FAM168A: variants seen among roughly 807,000 people sequenced by gnomAD.
FAM168A encodes family with sequence similarity 168 member A, also known as protein FAM168A.
FAM168A carries 3 observed loss-of-function variants against 28.5 expected under a neutral mutation model. The observed-to-expected ratio is 0.11, with a 90% CI of 0.05 to 0.27. The LOEUF (loss-of-function observed/expected upper bound fraction) is 0.27. Among genes scored for constraint, FAM168A ranks in the 10% least tolerant of loss-of-function variants. The pLI is 1.00. For synonymous variants in FAM168A, 122 were observed against 124.2 expected (o/e 0.98, Z 0.12); for missense variants, 222 against 311.5 (o/e 0.71, Z 2.16).
intron 1 of FAM168A, among the ~76,000 whole-genome samples, chr11:73,541,007 C>T (rs1943650174): frequency 6.6e-6 from 1 of 152,076 alleles, no homozygotes. Context: ...AAGTTCAACA[C>T]CAGCCTGTCC....
At chr11:73,572,339 G>GC (rs1944109748) in intron 1 of FAM168A, among the ~76,000 whole-genome samples, 1 of 143,346 alleles carries the variant, frequency 7.0e-6, no homozygotes, top group African/African-American at 2.6e-5. Context: ...GAAGTGAGGA[G>GC]CCCCTCTGCC....
intron 1 of FAM168A, among the ~76,000 whole-genome samples, chr11:73,531,570 A>T (rs894808180): frequency 1.3e-5 from 2 of 152,156 alleles, no homozygotes; most frequent in Admixed American, 6.5e-5. Context: ...ATGAGCAGAC[A>T]CTGGTACAGA....
chr11:73,539,267 A>AT (rs140148477), intron 1 of FAM168A, among the ~76,000 whole-genome samples: 6 of 151,918 alleles, frequency 3.9e-5, no homozygotes, highest in African/African-American at 1.5e-4. Context: ...TTATTTATTT[A>AT]TTTTTTTATT....
rs111415026 is a variant in FAM168A, at chr11:73,587,472, A to G, written c.-19+10451T>C. ...GCACCACTGCACTCCAGCTGAGGTG[A>G]CAAAGCGAGACTCCGTCTCAAAAAA... On this transcript the variant is annotated intron_variant, in intron 1 of 7. Coordinates refer to ENST00000356467, the MANE Select transcript of FAM168A (RefSeq NM_015159.3). 6.3e-3 allele frequency among the ~76,000 whole-genome samples: 954 copies of G among 151,846 alleles called. 9 individuals are homozygous for G. The highest frequency in any genetic ancestry group is 0.022 in the African/African-American group (908 of 41,408).
intron 1 of FAM168A, among the ~76,000 whole-genome samples, chr11:73,549,985 C>T (rs1943806656): frequency 6.6e-6 from 1 of 152,164 alleles, no homozygotes. Context: ...ATTGGAACAA[C>T]CTCACAACTT....
At chr11:73,490,118 T>A (rs1868108072) in intron 1 of FAM168A, among the ~76,000 whole-genome samples, 1 of 152,220 alleles carries the variant, frequency 6.6e-6, no homozygotes, top group Non-Finnish European at 1.5e-5. Context: ...ATTGCACAGA[T>A]AAAAATTTTG....
intron 4 of FAM168A, among the ~76,000 whole-genome samples, chr11:73,417,156 G>T (rs1413325834): frequency 1.3e-5 from 2 of 152,200 alleles, no homozygotes; most frequent in Non-Finnish European, 2.9e-5. Flanking sequence ...GAGATGGTTT[G>T]TTGGCCAGCT....
chr11:73,498,551 C>T (rs942630525), intron 1 of FAM168A, among the ~76,000 whole-genome samples: 1 of 152,174 alleles, frequency 6.6e-6, no homozygotes, highest in African/African-American at 2.4e-5. Flanking sequence ...ACTGTCTAAG[C>T]CGTTTGAGCT....
chr11:73,507,666 T>A (rs145171136), intron 1 of FAM168A, among the ~76,000 whole-genome samples: 190 of 152,286 alleles, frequency 1.2e-3, no homozygotes, highest in Non-Finnish European at 2.1e-3. Context: ...ACCATATACA[T>A]GCCATGTTAT....
Position 73,498,344 on chromosome 11 carries a change from G to A in FAM168A, c.-18-29852C>T, listed in dbSNP as rs576743371. On this transcript the variant is annotated intron_variant, in intron 1 of 7. Coordinates refer to ENST00000356467, the MANE Select transcript of FAM168A (RefSeq NM_015159.3). The stretch of plus-strand genomic sequence containing the variant: ...CCCCCCCTTCCCCCCAGCCAAGGGA[G>A]GCAGTGAATGAGCACGCTACCCAGC... Among the ~76,000 whole-genome samples, 11 of 152,282 alleles carry A rather than the reference G, an allele frequency of 7.2e-5. No homozygotes were observed. In the South Asian group the frequency reaches 2.3e-3, roughly 32 times the overall value.
At chr11:73,445,020 G>C (rs1030988647) in intron 2 of FAM168A, among the ~76,000 whole-genome samples, 7 of 152,156 alleles carry the variant, frequency 4.6e-5, no homozygotes, top group Non-Finnish European at 1.0e-4. Context: ...AACATTTTGG[G>C]AGGCCGAGGT....
intron 1 of FAM168A, among the ~76,000 whole-genome samples, chr11:73,567,321 G>A: frequency 6.6e-6 from 1 of 152,170 alleles, no homozygotes; most frequent in East Asian, 1.9e-4. Context: ...ACAAAGAGAA[G>A]AAGGTATGGA....
At chr11:73,554,659 A>C (rs1246343971) in intron 1 of FAM168A, among the ~76,000 whole-genome samples, 1 of 152,244 alleles carries the variant, frequency 6.6e-6, no homozygotes, top group Non-Finnish European at 1.5e-5. Flanking sequence ...GATCATTAGA[A>C]TCTCTGCTAG....
At position 73,508,689 on chromosome 11, in the gene FAM168A, C is replaced by T. The variant is rs557002760; in HGVS notation, c.-18-40197G>A. 2.0e-5 allele frequency among the ~76,000 whole-genome samples: 3 copies of T among 152,048 alleles called. No individual in the cohort carries two copies. In the South Asian group the frequency reaches 6.2e-4, roughly 32 times the overall value. ...GTGTGTGTGTGTGCACGCACACATG[C>T]CCTAATAGTACTAGACCACAGTAGT... is the stretch of plus-strand genomic sequence containing the variant. On this transcript the variant is annotated intron_variant, in intron 1 of 7. Coordinates refer to ENST00000356467, the MANE Select transcript of FAM168A (RefSeq NM_015159.3).
At chr11:73,412,060 C>A (rs1036296834) in intron 4 of FAM168A, among the ~76,000 whole-genome samples, 3 of 151,982 alleles carry the variant, frequency 2.0e-5, no homozygotes, top group Admixed American at 2.0e-4. Flanking sequence ...CATCATGTTC[C>A]CTCCCCTCCC....
intron 1 of FAM168A, among the ~76,000 whole-genome samples, chr11:73,539,764 T>C (rs1943631009): frequency 6.6e-6 from 1 of 152,208 alleles, no homozygotes; most frequent in Non-Finnish European, 1.5e-5. Context: ...AGTGCACAAA[T>C]GTTACCTAGA....
chr11:73,456,653 G>A (rs916072108), intron 2 of FAM168A, among the ~76,000 whole-genome samples: 5 of 152,228 alleles, frequency 3.3e-5, no homozygotes, highest in African/African-American at 1.2e-4. Flanking sequence ...TACATTGGGA[G>A]CTCTTTTGCT....
At chr11:73,554,745 C>T (rs1000367516) in intron 1 of FAM168A, among the ~76,000 whole-genome samples, 8 of 152,116 alleles carry the variant, frequency 5.3e-5, no homozygotes, top group South Asian at 2.1e-4. Flanking sequence ...GACACAAATG[C>T]AAGGGTGAAA....
intron 1 of FAM168A, among the ~76,000 whole-genome samples, chr11:73,589,495 GAAA>G (rs780232062): frequency 1.5e-5 from 1 of 64,970 alleles, no homozygotes. Context: ...CTGATAAGCT[GAAA>G]AAAAAAAAAA....
Sources: gnomAD v4.1 joint callset for allele counts (sites outside exome capture counted in the v4.1 genomes callset) on GRCh38, gnomAD v4.1.1 for gene constraint, MANE v1.5 for transcripts, NCBI Gene and HGNC (gene_info 2026-07-23, HGNC 2026-07-21) for gene names.